Variants in TBC1D15 observed in about 807,000 individuals in gnomAD.
TBC1D15 encodes the protein GAP for RAB7.
Under a neutral mutation model 95.4 loss-of-function variants are expected in TBC1D15, and 39 were observed. The ratio of observed to expected loss-of-function variants is 0.41; its 90% confidence interval spans 0.32 to 0.53. The LOEUF is 0.53. Ranked by LOEUF, TBC1D15 falls within the 20% of genes least tolerant of loss-of-function variation. TBC1D15 has a pLI of 0.29. For synonymous variants in TBC1D15, 258 were observed against 261.3 expected (o/e 0.99, Z 0.12); for missense variants, 733 against 794.3 (o/e 0.92, Z 0.93).
At chr12:71,911,926 T>C (rs1185750194) in intron 11 of TBC1D15, among the ~76,000 whole-genome samples, 1 of 152,166 alleles carries the variant, frequency 6.6e-6, no homozygotes, top group Non-Finnish European at 1.5e-5. Flanking sequence ...TAAATTGGCT[T>C]CTTAGGAATT....
chr12:71,909,806 G>T (rs1163809810), intron 11 of TBC1D15, among the ~76,000 whole-genome samples: 1 of 152,052 alleles, frequency 6.6e-6, no homozygotes, highest in Non-Finnish European at 1.5e-5. Flanking sequence ...AATTGTACTG[G>T]TGCTGATTAA....
rs1443837549 is a variant in TBC1D15, at chr12:71,872,153, A to G, written c.114A>G (p.Leu38=). 1.3e-6 allele frequency: 2 copies of G among 1,571,042 alleles called. No homozygotes were observed. The highest frequency in any genetic ancestry group is 1.7e-6 in the Non-Finnish European group (2 of 1,160,148). The change falls in exon 2 of 17, where the codon TTA becomes TTG. Residue 38 remains leucine, a synonymous_variant. Coordinates refer to ENST00000485960, the MANE Select transcript of TBC1D15 (RefSeq NM_001146213.3). The part of the protein sequence containing the change: ...NDQDGLISGI[L]RVLEKDAEVI... ...AAGACGGCTTGATTTCAGGAATATT[A>G]CGTGTTTTAGAAAAGGTAAGTTTCT...
At position 71,923,245 on chromosome 12, in the gene TBC1D15, A is replaced by G. The variant is rs747281965; in HGVS notation, c.*41A>G. The G allele has an allele frequency of 2.5e-6, 4 of 1,593,108 alleles. No homozygotes were observed. The highest frequency in any genetic ancestry group is 1.7e-4 in the Middle Eastern group (1 of 5,764). The stretch of plus-strand genomic sequence containing the variant: ...TTTTGGGAAGAGACACTTTGTTGCA[A>G]CCCTTTTTCAAGTACTTGAAAGTTG... On this transcript the variant is annotated 3_prime_UTR_variant, in exon 17 of 17. Transcript: ENST00000485960.
intron 14 of TBC1D15, among the ~76,000 whole-genome samples, chr12:71,919,748 C>T (rs974466580): frequency 1.3e-5 from 2 of 152,116 alleles, no homozygotes; most frequent in Non-Finnish European, 2.9e-5. Flanking sequence ...GAACGCTAAG[C>T]ATGTGGGAGT....
intron 1 of TBC1D15, among the ~76,000 whole-genome samples, chr12:71,842,689 G>A (rs1885315826): frequency 6.6e-6 from 1 of 151,926 alleles, no homozygotes; most frequent in Admixed American, 6.6e-5. Context: ...AAATTAGCTA[G>A]TTGTGGTGAC....
At chr12:71,880,810 C>G (rs748965625) in intron 4 of TBC1D15, among the ~76,000 whole-genome samples, 3 of 152,048 alleles carry the variant, frequency 2.0e-5, no homozygotes, top group Non-Finnish European at 4.4e-5. Flanking sequence ...TTTTAAAATA[C>G]TTGCTCTATT....
At chr12:71,897,746 C>A (rs915605899) in intron 9 of TBC1D15, 101 bp from the exon 10 acceptor site, 32 of 775,544 alleles carry the variant, frequency 4.1e-5, no homozygotes, top group Non-Finnish European at 6.0e-5. Flanking sequence ...CCACTAGCAT[C>A]ATAAATGCTT....
Position 71,872,147 on chromosome 12 carries a change from A to G in TBC1D15, c.108A>G (p.Gly36=). The G allele has an allele frequency of 6.3e-7, 1 of 1,575,028 alleles. No homozygotes were observed. The highest frequency in any genetic ancestry group is 8.6e-7 in the Non-Finnish European group (1 of 1,162,168). The change falls in exon 2 of 17, where the codon GGA becomes GGG. Residue 36 remains glycine (G), a synonymous_variant. Transcript: ENST00000485960. ...KTNDQDGLIS[G]ILRVLEKDAE... ...ATGACCAAGACGGCTTGATTTCAGG[A>G]ATATTACGTGTTTTAGAAAAGGTAA...
intron 15 of TBC1D15, 86 bp from the exon 16 acceptor site, chr12:71,921,282 A>C: frequency 1.6e-6 from 1 of 626,114 alleles, no homozygotes; most frequent in Non-Finnish European, 2.5e-6. Context: ...CTGCAGTGAA[A>C]TATAACTGGT....
intron 12 of TBC1D15, among the ~76,000 whole-genome samples, chr12:71,917,025 T>C (rs565652888): frequency 1.3e-5 from 2 of 152,322 alleles, no homozygotes; most frequent in Middle Eastern, 3.4e-3. Context: ...TTTTTTTTAA[T>C]GAAAAGTAAC....
In TBC1D15 at chr12:71,918,538, G is replaced by A. The variant is rs1307255821; in HGVS notation, c.1589G>A (p.Arg530Gln). 1 of 1,579,578 alleles carries A rather than the reference G, an allele frequency of 6.3e-7. No homozygotes were observed. The highest frequency in any genetic ancestry group is 8.6e-7 in the Non-Finnish European group (1 of 1,156,700). ...KREFSFLDIL[R>Q]LWEVMWTELP... The stretch of plus-strand genomic sequence containing the variant: ...GAATTTAGTTTTCTAGATATTCTTC[G>A]ATTATGGGAGGTAAGTCCTTAAATT... Residue 530 changes from arginine to glutamine, a missense_variant, in exon 14 of 17, where the codon CGA (arginine) becomes CAA (glutamine). Transcript: ENST00000485960.
In TBC1D15 at chr12:71,874,766, G is replaced by A. The variant is rs571622645; in HGVS notation, c.204+1763G>A. 2.4e-4 allele frequency among the ~76,000 whole-genome samples: 37 copies of A among 151,424 alleles called. 1 individual carries two copies. The South Asian group carries it at 7.1e-3, about 29-fold the overall frequency. ...GCCTTCCAAGTAGCTGGGATTACAGGTTCCTGCCACCATGCCCAGCTAAGT... is the reference window on the plus strand; with the variant it reads ...GCCTTCCAAGTAGCTGGGATTACAGATTCCTGCCACCATGCCCAGCTAAGT... On this transcript the variant is annotated intron_variant, in intron 3 of 16. Coordinates refer to ENST00000485960, the MANE Select transcript of TBC1D15 (RefSeq NM_001146213.3).
rs758925106 is a variant in TBC1D15 at position 71,839,820 on chromosome 12, C to T, written c.30+9C>T. ...GTGTTGTGAGCGGGAAGGTAGGTAA[C>T]GGCCTCCAGGAAGACCTCGGCTTTT... On this transcript the variant is annotated intron_variant, in intron 1 of 16. Transcript: ENST00000485960. 2.5e-6 allele frequency: 4 copies of T among 1,614,096 alleles called. No homozygotes were observed. The Admixed American group carries it at 6.7e-5, about 27-fold the overall frequency.
chr12:71,904,189 G>C (rs1194499246), intron 10 of TBC1D15, among the ~76,000 whole-genome samples: 1 of 152,162 alleles, frequency 6.6e-6, no homozygotes, highest in Non-Finnish European at 1.5e-5. Flanking sequence ...TAAAAGACAA[G>C]TGAAGAAAGT....
chr12:71,909,749 A>G (rs920280112), intron 11 of TBC1D15, among the ~76,000 whole-genome samples: 4 of 152,156 alleles, frequency 2.6e-5, no homozygotes, highest in African/African-American at 4.8e-5. Context: ...CACTGCCTAC[A>G]CTGAAACAAA....
intron 11 of TBC1D15, chr12:71,907,737 A>G (rs1330147691): frequency 6.6e-6 from 1 of 152,254 alleles, no homozygotes; most frequent in Non-Finnish European, 1.5e-5. Context: ...GAAAGTTTGC[A>G]AACCGTTGTT....
intron 1 of TBC1D15, among the ~76,000 whole-genome samples, chr12:71,850,841 G>T (rs922736136): frequency 6.6e-6 from 1 of 151,898 alleles, no homozygotes; most frequent in African/African-American, 2.4e-5. Context: ...ACAAAAATTA[G>T]CCAGGTGTTG....
In TBC1D15 at chr12:71,896,428, C is replaced by T; in HGVS notation, c.985-249C>T. The T allele has an allele frequency of 8.6e-6, 4 of 465,162 alleles. No homozygotes were observed. The Middle Eastern group carries it at 1.7e-3, about 198-fold the overall frequency. The allele number at this position is 465,162 out of a possible 1,614,324, so 28.8% of individuals were successfully genotyped here. A position where few individuals can be genotyped will look rare whatever the true frequency, so the allele number is the denominator to read the frequency against. On this transcript the variant is annotated intron_variant, in intron 8 of 16. Coordinates refer to ENST00000485960, the MANE Select transcript of TBC1D15 (RefSeq NM_001146213.3). The stretch of plus-strand genomic sequence containing the variant: ...ATTGGGCTTAGACTCACCAGTCACA[C>T]TGTCTGTCTGCTGTAGTCTACTGTA...
chr12:71,854,772 CCTT>C lies in TBC1D15; in HGVS notation c.30+14965_30+14967del. On this transcript the variant is annotated intron_variant, in intron 1 of 16. Coordinates refer to ENST00000485960, the MANE Select transcript of TBC1D15 (RefSeq NM_001146213.3). ...AACAATTGCATTCCTCTCCCCCCCA[CCTT>C]CTTTTGCAGATTCGCTTGGTGACAG... is the stretch of plus-strand genomic sequence containing the variant. 3 of 456,666 alleles carry C rather than the reference CCTT, an allele frequency of 6.6e-6. 1 individual carries two copies. Among genetic ancestry groups the C allele is most frequent in the South Asian group, 4.6e-5 (3 of 64,564 alleles). 28.3% of individuals were successfully genotyped at this position (456,666 alleles called of 1,614,324 possible).
Sources: gnomAD v4.1 joint callset for allele counts (sites outside exome capture counted in the v4.1 genomes callset) on GRCh38, gnomAD v4.1.1 for gene constraint, MANE v1.5 for transcripts, NCBI Gene and HGNC (gene_info 2026-07-23, HGNC 2026-07-21) for gene names.